Variants in HOOK2 observed in about 807,000 individuals in gnomAD.
HOOK2 encodes the protein hook microtubule tethering protein 2.
HOOK2 carries 108 observed loss-of-function variants against 111.9 expected under a neutral mutation model. The ratio of observed to expected loss-of-function variants is 0.96; its 90% confidence interval spans 0.83 to 1.13. The LOEUF (loss-of-function observed/expected upper bound fraction) is 1.13. Ranked by LOEUF, HOOK2 falls within the 50% of genes most tolerant of loss-of-function variation. HOOK2 has a pLI of 0.00. For missense variants in HOOK2, 978 were observed against 951.3 expected (o/e 1.03, Z -0.37); for synonymous variants, 405 against 394.3 (o/e 1.03, Z -0.32).
chr19:12,769,209 C>T (rs1968243279), intron 11 of HOOK2, among the ~76,000 whole-genome samples: 1 of 152,138 alleles, frequency 6.6e-6, no homozygotes, highest in South Asian at 2.1e-4. Flanking sequence ...TCGGGATCCA[C>T]CCGCCTCGGC....
At chr19:12,771,775 G>A (rs1042272428) in intron 7 of HOOK2, 5 of 417,628 alleles carry the variant, frequency 1.2e-5, no homozygotes, top group Non-Finnish European at 2.2e-5. Flanking sequence ...CTGGCTACTC[G>A]GGAGGCTGAG....
intron 3 of HOOK2, among the ~76,000 whole-genome samples, chr19:12,785,444 T>C (rs1360673334): frequency 6.6e-6 from 1 of 150,492 alleles, no homozygotes; most frequent in East Asian, 2.0e-4. Flanking sequence ...AAACAGATCA[T>C]ATACACACAT....
chr19:12,787,651 AAC>A lies in HOOK2; in HGVS notation n.42-13428_42-13427del, dbSNP rs1413121610. Among the ~76,000 whole-genome samples the A allele has an allele frequency of 9.9e-5, 15 of 151,904 alleles. No individual in the cohort carries two copies. In the East Asian group the frequency reaches 2.9e-3, roughly 30 times the overall value. On this transcript the variant is annotated intron_variant and non_coding_transcript_variant, in intron 3 of 3. Transcript: ENST00000589765. ...TGTCTCAAAAAAACAAAACAAAACA[AAC>A]AATAAAAAAAAACTCCTGGGCTCAA...
intron 17 of HOOK2, 50 bp downstream of exon 17, chr19:12,765,779 C>T (rs1390087593): frequency 6.2e-7 from 1 of 1,614,118 alleles, no homozygotes; most frequent in Admixed American, 1.7e-5. Context: ...CCTAATTCTT[C>T]CTTCCCAGGG....
At chr19:12,773,447 A>G (rs559914180) in intron 3 of HOOK2, among the ~76,000 whole-genome samples, 2 of 151,754 alleles carry the variant, frequency 1.3e-5, no homozygotes, top group African/African-American at 2.4e-5. Flanking sequence ...AGGTTTTGCT[A>G]TGTAGCCCAG....
At position 12,791,456 on chromosome 19, in the gene HOOK2, A is replaced by G. The variant is rs1968712385; in HGVS notation, n.42-17231T>C. On this transcript the variant is annotated intron_variant and non_coding_transcript_variant, in intron 3 of 3. Coordinates refer to the HOOK2 transcript ENST00000589765. The surrounding 1 kb of genome is among the most constrained non-coding windows in gnomAD (Gnocchi z 7.0). Reference sequence around the variant, plus strand: ...CACTTCCGTGGCTGACTAGCGCGGTATAAAGGCGTGTGGCTCAGGCTGAGC... The same window carrying G: ...CACTTCCGTGGCTGACTAGCGCGGTGTAAAGGCGTGTGGCTCAGGCTGAGC... 1 of 268,244 alleles carries G rather than the reference A, an allele frequency of 3.7e-6. No individual in the cohort carries two copies. Among genetic ancestry groups the G allele is most frequent in the African/African-American group, 2.3e-5 (1 of 44,344 alleles). 16.6% of individuals were successfully genotyped at this position (268,244 alleles called of 1,614,324 possible).
chr19:12,786,095 C>A lies in HOOK2; in HGVS notation n.42-11870G>T, dbSNP rs1968653415. On this transcript the variant is annotated intron_variant and non_coding_transcript_variant, in intron 3 of 3. Transcript: ENST00000589765. This position sits in a 1 kb window ranked among gnomAD's most constrained non-coding sequence, Gnocchi z 4.3. ...ACTCTCCTTCCTGCTTCCAAGAAAA[C>A]CTAGCAGCTTCCTCTCCAGGAGAGG... Among the ~76,000 whole-genome samples the A allele has an allele frequency of 6.6e-6, 1 of 152,212 alleles. No homozygotes were observed. The highest frequency in any genetic ancestry group is 1.5e-5 in the Non-Finnish European group (1 of 68,034).
At chr19:12,789,744 C>T (rs964102254) in intron 3 of HOOK2, among the ~76,000 whole-genome samples, 1 of 151,046 alleles carries the variant, frequency 6.6e-6, no homozygotes, top group Non-Finnish European at 1.5e-5. Flanking sequence ...TGGGCCAGGC[C>T]GGGCCTGGCA....
chr19:12,771,473 C>G lies in HOOK2; in HGVS notation c.524G>C (p.Arg175Pro). ...CTCCTCACTTAGGAAATAGTACCTG[C>G]GGGACTGCAGAGATGAGGGGGAAGA... ...ETYGNFDSQS[R>P]RYYFLSEEAE... Residue 175 changes from arginine to proline, a missense_variant, in exon 8 of 23, where the codon CGC becomes CCC. By Grantham distance (103) the Arg-to-Pro change is moderately radical (BLOSUM62 -2). Coordinates refer to ENST00000397668, the MANE Select transcript of HOOK2 (RefSeq NM_013312.3). The G allele has an allele frequency of 6.2e-7, 1 of 1,610,972 alleles. No homozygotes were observed. The highest frequency in any genetic ancestry group is 1.1e-5 in the South Asian group (1 of 90,228).
chr19:12,767,739 A>G (rs942510710), intron 13 of HOOK2, 77 bp downstream of exon 13: 2 of 1,345,802 alleles, frequency 1.5e-6, no homozygotes, highest in Admixed American at 3.9e-5. Flanking sequence ...CAACCTAGAC[A>G]TGCACTGGGA....
chr19:12,763,095 A>G lies in HOOK2; in HGVS notation c.*187T>C. The stretch of plus-strand genomic sequence containing the variant: ...AGAGAGAGAATCAACAACAAGAATC[A>G]CATTGCTAAAAAGAACAGGCCTATA... On this transcript the variant is annotated 3_prime_UTR_variant, in exon 23 of 23. Transcript: ENST00000397668. 1.7e-6 allele frequency: 1 copy of G among 594,988 alleles called. No homozygotes were observed. The highest frequency in any genetic ancestry group is 2.9e-6 in the Non-Finnish European group (1 of 344,540). The allele number at this position is 594,988 out of a possible 1,614,324, so 36.9% of individuals were successfully genotyped here. A position where few individuals can be genotyped will look rare whatever the true frequency, so the allele number is the denominator to read the frequency against.
intron 16 of HOOK2, 46 bp downstream of exon 16, chr19:12,765,881 G>A (rs2145729650): frequency 1.9e-6 from 3 of 1,611,756 alleles, no homozygotes; most frequent in East Asian, 2.2e-5. Flanking sequence ...GGGTTACTTC[G>A]GGGCACAAGG....
upstream of HOOK2, among the ~76,000 whole-genome samples, chr19:12,777,891 T>C (rs1968557937): frequency 6.6e-6 from 1 of 152,286 alleles, no homozygotes; most frequent in Non-Finnish European, 1.5e-5. Flanking sequence ...GTGCTTACTG[T>C]ATGCAGTCCT....
At position 12,765,528 on chromosome 19, in the gene HOOK2, A is replaced by T. The variant is rs547001600; in HGVS notation, c.1640+162T>A. 4.2e-6 allele frequency: 4 copies of T among 951,390 alleles called. No individual in the cohort carries two copies. The African/African-American group carries it at 6.5e-5, about 15-fold the overall frequency. The allele number at this position is 951,390 out of a possible 1,614,324, so 58.9% of individuals were successfully genotyped here. A position where few individuals can be genotyped will look rare whatever the true frequency, so the allele number is the denominator to read the frequency against. On this transcript the variant is annotated intron_variant, in intron 18 of 22. Coordinates refer to ENST00000397668, the MANE Select transcript of HOOK2 (RefSeq NM_013312.3). ...TTTGGGAGGCCAAAGCGGGTGGATC[A>T]TCTGGGGTCAGGAGTCCGAGACCAG...
upstream of HOOK2, among the ~76,000 whole-genome samples, chr19:12,776,826 T>C (rs1258486512): frequency 6.7e-6 from 1 of 149,856 alleles, no homozygotes; most frequent in South Asian, 2.1e-4. Flanking sequence ...CCAGTCTGGG[T>C]GACAGAGCAA....
chr19:12,765,060 A>C lies in HOOK2; in HGVS notation c.1662T>G (p.Asp554Glu), dbSNP rs764026310. 1 of 1,614,046 alleles carries C rather than the reference A, an allele frequency of 6.2e-7. No individual in the cohort carries two copies. Among genetic ancestry groups the C allele is most frequent in the Admixed American group, 1.7e-5 (1 of 60,006 alleles). ...EEHLQKLHEA[D>E]LELQRKREYI... ...ACTCCCGCTTCCTCTGCAACTCCAG[A>C]TCTGCCTCATGAAGCTTCTGCCTGT... is the stretch of plus-strand genomic sequence containing the variant. The change falls in exon 19 of 23, where the codon GAT becomes GAG. Residue 554 changes from aspartate to glutamate, a missense_variant. Transcript: ENST00000397668.
Position 12,791,885 on chromosome 19 carries a change from C to G in HOOK2, n.42-17660G>C, listed in dbSNP as rs762774654. ...ACGACTACAAACTCCTGAAACCGAG[C>G]CTGGCGGTCAACCTGGCCGACCCCT... is the stretch of plus-strand genomic sequence containing the variant. On this transcript the variant is annotated intron_variant and non_coding_transcript_variant, in intron 3 of 3. Transcript: ENST00000589765. The surrounding 1 kb of genome is among the most constrained non-coding windows in gnomAD (Gnocchi z 7.0). The G allele has an allele frequency of 6.2e-7, 1 of 1,613,504 alleles. No homozygotes were observed. The highest frequency in any genetic ancestry group is 8.5e-7 in the Non-Finnish European group (1 of 1,179,900).
In HOOK2 at chr19:12,769,999, C is replaced by G; in HGVS notation, c.986G>C (p.Arg329Pro). The G allele has an allele frequency of 2.6e-6, 4 of 1,544,468 alleles. No individual in the cohort carries two copies. The highest frequency in any genetic ancestry group is 1.2e-5 in the South Asian group (1 of 83,888). The change falls in exon 11 of 23, where the codon CGG becomes CCG. Residue 329 changes from arginine to proline, a missense_variant. Coordinates refer to ENST00000397668, the MANE Select transcript of HOOK2 (RefSeq NM_013312.3). ...GCGTTCCTCCAGCTGCCGCACCTGC[C>G]GCCGCAGCTCCCTCAGCTCGCCCAA... ...RRLGELRELR[R>P]QVRQLEERNA...
At chr19:12,774,979 A>G in intron 1 of HOOK2, 82 bp from the exon 2 acceptor site, 2 of 1,352,468 alleles carry the variant, frequency 1.5e-6, no homozygotes, top group Admixed American at 2.0e-5. Flanking sequence ...TTTTCCAGTC[A>G]GCGAACCTCA....
Sources: gnomAD v4.1 joint callset for allele counts (sites outside exome capture counted in the v4.1 genomes callset) on GRCh38, gnomAD v4.1.1 for gene constraint, Gnocchi (gnomAD v3.1) non-coding constraint, MANE v1.5 for transcripts, NCBI Gene and HGNC (gene_info 2026-07-23, HGNC 2026-07-21) for gene names.